ZSCAN30: variants seen among roughly 807,000 people sequenced by gnomAD.
The protein encoded by ZSCAN30 is zinc finger and SCAN domain containing 30, also known as zinc finger and SCAN domain-containing protein 30.
A neutral mutation model predicts 44.3 loss-of-function variants in ZSCAN30; 37 were observed. The ratio of observed to expected loss-of-function variants is 0.84; its 90% CI spans 0.64 to 1.10. The LOEUF (loss-of-function observed/expected upper bound fraction) is 1.10, where lower values mean the gene tolerates loss of function less well. Among genes scored for constraint, ZSCAN30 ranks in the 50% least tolerant of loss-of-function variants. The probability of loss-of-function intolerance (pLI) is 0.00; values close to 1 mark genes in which losing one functional copy is unlikely to be tolerated. For missense variants in ZSCAN30, 549 were observed against 582.6 expected (o/e 0.94, Z 0.59); for synonymous variants, 181 against 204.6 (o/e 0.88, Z 0.98).
At chr18:35,280,079 C>T (rs2044428794) in intron 1 of ZSCAN30, among the ~76,000 whole-genome samples, 1 of 151,902 alleles carries the variant, frequency 6.6e-6, no homozygotes, top group Non-Finnish European at 1.5e-5. Context: ...AGTTCAAGAC[C>T]AGCCTGGGCA....
At chr18:35,259,106 T>C (rs1004632355) in intron 3 of ZSCAN30, 1 of 152,420 alleles carries the variant, frequency 6.6e-6, no homozygotes, top group Non-Finnish European at 1.5e-5. Flanking sequence ...ATCTCTTTTC[T>C]CACAATTCTA....
rs532554933 is a variant in ZSCAN30 at position 35,279,854 on chromosome 18, A to G, written c.-104+10230T>C. The stretch of plus-strand genomic sequence containing the variant: ...TGAATTTTGGGGGGACATAACATTC[A>G]GCCTACACAGACCCTATTTTCAAGT... On this transcript the variant is annotated intron_variant, in intron 1 of 3. Transcript: ENST00000333206. Among the ~76,000 whole-genome samples the G allele has an allele frequency of 1.9e-3, 285 of 152,324 alleles. 1 individual carries two copies. Among genetic ancestry groups the G allele is most frequent in the Non-Finnish European group, 1.8e-3 (120 of 68,028 alleles).
rs560002547 is a variant in ZSCAN30, at chr18:35,281,469, T to G, written c.-104+8615A>C. 463 of 152,268 alleles carry G rather than the reference T, an allele frequency of 3.0e-3. 2 individuals carry two copies. The highest frequency in any genetic ancestry group is 0.011 in the African/African-American group (437 of 41,554). The allele number at this position is 152,268 out of a possible 1,614,324, so 9.4% of individuals were successfully genotyped here. A position where few individuals can be genotyped will look rare whatever the true frequency, so the allele number is the denominator to read the frequency against. ...TGAAAGAATGGTTTGGCTTCCTTGG[T>G]CAAACACCCAAAAAAATCTACATTC... On this transcript the variant is annotated intron_variant, in intron 1 of 3. Transcript: ENST00000333206.
rs1366000665 is a variant in ZSCAN30 at position 35,251,229 on chromosome 18, G to A, written c.*2221C>T. 1 of 152,096 alleles carries A rather than the reference G, an allele frequency of 6.6e-6. No individual in the cohort carries two copies. Among genetic ancestry groups the A allele is most frequent in the Non-Finnish European group, 1.5e-5 (1 of 68,014 alleles). 9.4% of individuals were successfully genotyped at this position (152,096 alleles called of 1,614,324 possible). A position where few individuals can be genotyped will look rare whatever the true frequency, so the allele number is the denominator to read the frequency against. Reference sequence around the variant, plus strand: ...ACACTAATAGAAAGTACTCCAAAATGTTAACAACGTTTCTATGGGCATTGG... The same window carrying A: ...ACACTAATAGAAAGTACTCCAAAATATTAACAACGTTTCTATGGGCATTGG... On this transcript the variant is annotated 3_prime_UTR_variant, in exon 4 of 4. Coordinates refer to ENST00000333206, the MANE Select transcript of ZSCAN30 (RefSeq NM_001112734.4).
At position 35,264,326 on chromosome 18, in the gene ZSCAN30, GGCCAAGACTGT is replaced by G; in HGVS notation, c.16_26del (p.Thr6LeufsTer16). The G allele has an allele frequency of 6.2e-7, 1 of 1,613,652 alleles. No homozygotes were observed. Among genetic ancestry groups the G allele is most frequent in the South Asian group, 1.1e-5 (1 of 91,070 alleles). ...CTTCCTGTTCTTCTGGAGCATGGTA[GGCCAAGACTGT>G]GGCCTCTCCTGACATTCTGGGCAGA... On this transcript the variant is annotated frameshift_variant, in exon 2 of 4. Coordinates refer to ENST00000333206, the MANE Select transcript of ZSCAN30 (RefSeq NM_001112734.4). LOFTEE classifies it high-confidence loss of function.
intron 1 of ZSCAN30, chr18:35,284,679 G>C (rs1212963177): frequency 6.4e-6 from 1 of 155,104 alleles, no homozygotes; most frequent in South Asian, 2.0e-4. Flanking sequence ...CTGCTGAGGT[G>C]GGGGTGCCTT....
intron 1 of ZSCAN30, chr18:35,282,293 T>G (rs1166288633): frequency 6.6e-6 from 1 of 152,216 alleles, no homozygotes; most frequent in Non-Finnish European, 1.5e-5. Flanking sequence ...AAGACTATTT[T>G]CCTCTTTTGG....
chr18:35,258,865 AT>A (rs2043934327), intron 3 of ZSCAN30: 1 of 102,650 alleles, frequency 9.7e-6, no homozygotes, highest in Non-Finnish European at 1.9e-5. Flanking sequence ...GCCAGACTCC[AT>A]CTCAAAAAAA....
chr18:35,265,478 A>G (rs1052717915), intron 1 of ZSCAN30, among the ~76,000 whole-genome samples: 1 of 152,248 alleles, frequency 6.6e-6, no homozygotes. Flanking sequence ...ACATGAACCC[A>G]GGCTGCAACT....
At chr18:35,282,407 A>G (rs1220581125) in intron 1 of ZSCAN30, 1 of 152,240 alleles carries the variant, frequency 6.6e-6, no homozygotes, top group Non-Finnish European at 1.5e-5. Flanking sequence ...TGGCTTAAAG[A>G]AACATGTATG....
At chr18:35,257,549 TACCAAA>T (rs2043876390) in intron 3 of ZSCAN30, 2 of 236,358 alleles carry the variant, frequency 8.5e-6, no homozygotes, top group South Asian at 1.4e-4. Flanking sequence ...AGTGGGACCT[TACCAAA>T]TACAAAATCT....
In ZSCAN30 at chr18:35,264,467, C is replaced by T; in HGVS notation, c.-103-12G>A. 1 of 1,067,640 alleles carries T rather than the reference C, an allele frequency of 9.4e-7. No individual in the cohort carries two copies. Among genetic ancestry groups the T allele is most frequent in the East Asian group, 2.5e-5 (1 of 39,754 alleles). The allele number at this position is 1,067,640 out of a possible 1,614,324, so 66.1% of individuals were successfully genotyped here. A position where few individuals can be genotyped will look rare whatever the true frequency, so the allele number is the denominator to read the frequency against. Reference sequence around the variant, plus strand: ...TCCCCAGGACGCTCCTGAGGGTGGACAATGCTCATGTTACACAGGGAAAAT... The same window carrying T: ...TCCCCAGGACGCTCCTGAGGGTGGATAATGCTCATGTTACACAGGGAAAAT... On this transcript the variant is annotated splice_polypyrimidine_tract_variant and intron_variant, in intron 1 of 3. Coordinates refer to ENST00000333206, the MANE Select transcript of ZSCAN30 (RefSeq NM_001112734.4).
At chr18:35,271,161 G>C (rs1373208948) in intron 1 of ZSCAN30, among the ~76,000 whole-genome samples, 1 of 152,136 alleles carries the variant, frequency 6.6e-6, no homozygotes, top group African/African-American at 2.4e-5. Flanking sequence ...TGTGGAAAAG[G>C]ACCCCACCAG....
In ZSCAN30 at chr18:35,263,581, C is replaced by T; in HGVS notation, c.485G>A (p.Ser162Asn). The change falls in exon 3 of 4, where the codon AGC becomes AAC. Residue 162 changes from serine to asparagine, a missense_variant. Ser to Asn is a conservative substitution (Grantham distance 46, BLOSUM62 1). Transcript: ENST00000333206. ...CTGGTTCTCTAAGGGCTGCACCGGG[C>T]TATTCAGAGACAGAGACTTCAGTGC... ...TGALKSLSLN[S>N]PVQPLENQCK... The T allele has an allele frequency of 6.2e-7, 1 of 1,614,164 alleles. No homozygotes were observed. The highest frequency in any genetic ancestry group is 8.5e-7 in the Non-Finnish European group (1 of 1,180,040).
rs2043718267 is a variant in ZSCAN30 at position 35,254,407 on chromosome 18, GTATCATTT to G, written c.554-34_554-27del. ...CTAAAAATGTGAATAGAAAGTGTAA[GTATCATTT>G]ACTTCCCATGACAGAAGAAACTGTT... On this transcript the variant is annotated intron_variant, in intron 3 of 3. Coordinates refer to ENST00000333206, the MANE Select transcript of ZSCAN30 (RefSeq NM_001112734.4). 3 of 1,613,712 alleles carry G rather than the reference GTATCATTT, an allele frequency of 1.9e-6. No individual in the cohort carries two copies. In the South Asian group the frequency reaches 3.3e-5, roughly 18 times the overall value.
At chr18:35,254,558 C>G in intron 3 of ZSCAN30, 177 bp from the exon 4 acceptor site, 3 of 1,102,372 alleles carry the variant, frequency 2.7e-6, no homozygotes, top group Non-Finnish European at 3.9e-6. Flanking sequence ...ATATGGCCCC[C>G]TTGGAGAGTA....
At chr18:35,272,288 C>T (rs2044296225) in intron 1 of ZSCAN30, among the ~76,000 whole-genome samples, 1 of 152,108 alleles carries the variant, frequency 6.6e-6, no homozygotes. Flanking sequence ...CCTTGGCCTC[C>T]CAAAGTGCTG....
At chr18:35,256,825 G>A (rs2043840560) in intron 3 of ZSCAN30, among the ~76,000 whole-genome samples, 1 of 152,310 alleles carries the variant, frequency 6.6e-6, no homozygotes, top group East Asian at 1.9e-4. Context: ...TCAGGCTGGA[G>A]TTCAGTGGTA....
chr18:35,277,956 A>T (rs1217160827), intron 1 of ZSCAN30, among the ~76,000 whole-genome samples: 1 of 152,200 alleles, frequency 6.6e-6, no homozygotes, highest in Admixed American at 6.5e-5. Flanking sequence ...TCTAAAATAG[A>T]CATATTAAAG....
Sources: allele counts gnomAD v4.1 joint callset (sites outside exome capture counted in the v4.1 genomes callset), GRCh38; gene constraint gnomAD v4.1.1; transcripts MANE v1.5; gene names NCBI Gene and HGNC (gene_info 2026-07-23, HGNC 2026-07-21).